The following EVI5 variants were observed in gnomAD, a reference collection of about 807,000 sequenced individuals.
The protein encoded by EVI5 is ecotropic viral integration site 5.
In EVI5, 73 loss-of-function variants were observed where a neutral mutation model predicts 112.0. The ratio of observed to expected loss-of-function variants is 0.65; its 90% CI spans 0.54 to 0.79. The LOEUF is 0.79. Ranked by LOEUF, EVI5 falls within the 30% of genes least tolerant of loss-of-function variation. The pLI, the probability that EVI5 is intolerant of heterozygous loss-of-function variation, is 0.00. For missense variants in EVI5, 900 were observed against 968.8 expected (o/e 0.93, Z 0.94); for synonymous variants, 305 against 319.9 (o/e 0.95, Z 0.50).
chr1:92,788,501 CAAAA>C (rs200308636), upstream of EVI5, among the ~76,000 whole-genome samples: 2 of 144,526 alleles, frequency 1.4e-5, no homozygotes, highest in Admixed American at 1.4e-4. Flanking sequence ...CAAAACAAAA[CAAAA>C]AAAAAACTAG....
At chr1:92,629,682 ATACTT>A (rs1390132875) in intron 14 of EVI5, among the ~76,000 whole-genome samples, 1 of 151,658 alleles carries the variant, frequency 6.6e-6, no homozygotes, top group African/African-American at 2.4e-5. Context: ...TTCTTTTATT[ATACTT>A]TAAGTTTTAG....
At chr1:92,770,606 C>T (rs190058891) in intron 1 of EVI5, among the ~76,000 whole-genome samples, 1,811 of 151,978 alleles carry the variant, frequency 0.012, 18 homozygotes, top group Non-Finnish European at 0.02. Flanking sequence ...CTGGCTAACA[C>T]AGTGAAACCC....
chr1:92,750,079 G>A (rs1679942394), intron 1 of EVI5, among the ~76,000 whole-genome samples: 1 of 152,140 alleles, frequency 6.6e-6, no homozygotes, highest in Admixed American at 6.5e-5. Context: ...CTTTTAAAAT[G>A]CTTAAAGCAA....
chr1:92,746,354 G>A (rs758262468), intron 1 of EVI5, among the ~76,000 whole-genome samples: 6 of 152,092 alleles, frequency 3.9e-5, no homozygotes, highest in Admixed American at 6.6e-5. Flanking sequence ...AATTTTGATT[G>A]TTAAATAGCA....
intron 18 of EVI5, among the ~76,000 whole-genome samples, chr1:92,595,404 G>A (rs1312633221): frequency 2.6e-5 from 4 of 151,956 alleles, no homozygotes; most frequent in Admixed American, 2.0e-4. Flanking sequence ...ATCACACACC[G>A]AGGCCTGTTG....
At chr1:92,754,151 C>T (rs958461362) in intron 1 of EVI5, among the ~76,000 whole-genome samples, 2 of 152,186 alleles carry the variant, frequency 1.3e-5, no homozygotes, top group African/African-American at 4.8e-5. Context: ...TCTTTACATG[C>T]TATCCAACAA....
At chr1:92,635,360 A>C (rs935555050) in intron 14 of EVI5, among the ~76,000 whole-genome samples, 6 of 151,948 alleles carry the variant, frequency 3.9e-5, no homozygotes, top group Non-Finnish European at 7.4e-5. Context: ...TTGTTTACCT[A>C]CTCAAGCCTC....
intron 18 of EVI5, among the ~76,000 whole-genome samples, chr1:92,565,060 G>A (rs1240098110): frequency 3.3e-5 from 5 of 152,140 alleles, no homozygotes; most frequent in African/African-American, 1.2e-4. Flanking sequence ...GCCATGTGTT[G>A]ATGCTTAAAA....
intron 18 of EVI5, among the ~76,000 whole-genome samples, chr1:92,597,306 TGA>T (rs1221180326): frequency 6.6e-6 from 1 of 152,186 alleles, no homozygotes; most frequent in African/African-American, 2.4e-5. Context: ...TCCTTTAGAC[TGA>T]GACATTCAAA....
intron 18 of EVI5, among the ~76,000 whole-genome samples, chr1:92,594,145 A>G (rs1314273782): frequency 1.3e-5 from 2 of 152,232 alleles, no homozygotes; most frequent in Non-Finnish European, 2.9e-5. Flanking sequence ...TGGAGGCACC[A>G]TCCCACCTGA....
intron 17 of EVI5, among the ~76,000 whole-genome samples, chr1:92,606,768 C>T (rs939636375): frequency 6.6e-6 from 1 of 152,068 alleles, no homozygotes; most frequent in Non-Finnish European, 1.5e-5. Flanking sequence ...CTTTAAAGGG[C>T]ATCATTCCTA....
At chr1:92,532,994 AG>A (rs1663144205) in intron 19 of EVI5, among the ~76,000 whole-genome samples, 2 of 112,048 alleles carry the variant, frequency 1.8e-5, no homozygotes, top group African/African-American at 8.0e-5. Context: ...CAATGAATCT[AG>A]GAACTTTTTT....
intron 13 of EVI5, among the ~76,000 whole-genome samples, chr1:92,657,484 G>A (rs916985234): frequency 3.9e-5 from 6 of 151,988 alleles, no homozygotes; most frequent in Non-Finnish European, 8.8e-5. Flanking sequence ...GTAACATGGC[G>A]AAAACCCATC....
chr1:92,741,612 G>C (rs1224602245), intron 1 of EVI5, among the ~76,000 whole-genome samples: 1 of 152,000 alleles, frequency 6.6e-6, no homozygotes, highest in Non-Finnish European at 1.5e-5. Context: ...CAGAAAACTG[G>C]GCTGATGGGG....
intron 2 of EVI5, among the ~76,000 whole-genome samples, chr1:92,705,614 G>T (rs961008943): frequency 6.6e-6 from 1 of 152,134 alleles, no homozygotes; most frequent in Non-Finnish European, 1.5e-5. Flanking sequence ...CCCTGTGTTA[G>T]GCCTCCTCCT....
chr1:92,663,155 T>C (rs1200564924), intron 12 of EVI5, among the ~76,000 whole-genome samples: 2 of 152,206 alleles, frequency 1.3e-5, no homozygotes, highest in African/African-American at 4.8e-5. Flanking sequence ...CAATGAATAG[T>C]AGTTAATTTC....
intron 19 of EVI5, among the ~76,000 whole-genome samples, chr1:92,539,436 G>A (rs1408121496): frequency 3.3e-5 from 5 of 151,166 alleles, no homozygotes; most frequent in Non-Finnish European, 5.9e-5. Flanking sequence ...CCAGCTACTT[G>A]GGAGGGTGAG....
chr1:92,748,804 T>A (rs892968142), intron 1 of EVI5, among the ~76,000 whole-genome samples: 1 of 152,048 alleles, frequency 6.6e-6, no homozygotes, highest in Admixed American at 6.6e-5. Flanking sequence ...CGGTGGCTCA[T>A]GGTTGTAATC....
intron 13 of EVI5, among the ~76,000 whole-genome samples, chr1:92,654,103 C>T (rs910771984): frequency 1.3e-5 from 2 of 151,978 alleles, no homozygotes; most frequent in African/African-American, 4.8e-5. Context: ...TGACTTGTCC[C>T]CTGCTAGGGG....
Sources: allele counts gnomAD v4.1 joint callset (sites outside exome capture counted in the v4.1 genomes callset), GRCh38; gene constraint gnomAD v4.1.1; transcripts MANE v1.5; gene names NCBI Gene and HGNC (gene_info 2026-07-23, HGNC 2026-07-21).